FAM168A: variants seen among roughly 807,000 people sequenced by gnomAD.
FAM168A encodes family with sequence similarity 168 member A, also known as protein FAM168A.
In FAM168A, 3 loss-of-function variants were observed where a neutral mutation model predicts 28.5. The ratio of observed to expected loss-of-function variants is 0.11; its 90% CI spans 0.05 to 0.27. The LOEUF is 0.27. Ranked by LOEUF, FAM168A falls within the 10% of genes least tolerant of loss-of-function variation. FAM168A has a pLI of 1.00. For missense variants in FAM168A, 222 were observed against 311.5 expected, an observed-to-expected ratio of 0.71 and a Z score of 2.16; for synonymous variants, 122 against 124.2, an observed-to-expected ratio of 0.98 and a Z score of 0.12.
intron 1 of FAM168A, among the ~76,000 whole-genome samples, chr11:73,587,060 T>C (rs1944320689): frequency 7.2e-6 from 1 of 138,302 alleles, no homozygotes. Flanking sequence ...AGAAACATAA[T>C]AATATCAACA....
At chr11:73,488,996 C>G (rs1868092217) in intron 1 of FAM168A, among the ~76,000 whole-genome samples, 1 of 152,102 alleles carries the variant, frequency 6.6e-6, no homozygotes, top group Admixed American at 6.6e-5. Context: ...TCAAGCAATT[C>G]TCCAGCCTCA....
chr11:73,507,707 G>A (rs774748927), intron 1 of FAM168A, among the ~76,000 whole-genome samples: 8 of 152,136 alleles, frequency 5.3e-5, no homozygotes, highest in Admixed American at 3.3e-4. Context: ...GTAAATGAAC[G>A]TGCAATATTA....
At chr11:73,453,722 C>T (rs1264461022) in intron 2 of FAM168A, among the ~76,000 whole-genome samples, 2 of 152,176 alleles carry the variant, frequency 1.3e-5, no homozygotes, top group Non-Finnish European at 2.9e-5. Flanking sequence ...GAGTCAGACT[C>T]GGGTCTTCAG....
chr11:73,430,274 C>G (rs1050099899), intron 3 of FAM168A: 1 of 168,506 alleles, frequency 5.9e-6, no homozygotes, highest in Non-Finnish European at 1.2e-5. Flanking sequence ...GTGTGTGTCC[C>G]AAGGTGTGTG....
chr11:73,435,546 A>C (rs1867071814), intron 2 of FAM168A, among the ~76,000 whole-genome samples: 1 of 151,824 alleles, frequency 6.6e-6, no homozygotes, highest in Non-Finnish European at 1.5e-5. Context: ...TTCCTTTCTT[A>C]CTTCTTTTCT....
chr11:73,594,354 C>A (rs140667941), intron 1 of FAM168A, among the ~76,000 whole-genome samples: 202 of 152,138 alleles, frequency 1.3e-3, no homozygotes, highest in African/African-American at 4.4e-3. Context: ...CCCAGCTCAG[C>A]CTCCCAAAGT....
chr11:73,585,159 G>A (rs1190786049), intron 1 of FAM168A, among the ~76,000 whole-genome samples: 2 of 152,132 alleles, frequency 1.3e-5, no homozygotes, highest in Non-Finnish European at 2.9e-5. Flanking sequence ...TCTAATAAAG[G>A]TGTTTTAAAA....
chr11:73,595,989 GC>G (rs1199853287), intron 1 of FAM168A, among the ~76,000 whole-genome samples: 1 of 152,134 alleles, frequency 6.6e-6, no homozygotes, highest in African/African-American at 2.4e-5. Flanking sequence ...TTTACATAAA[GC>G]GGTGGTGCCA....
intron 1 of FAM168A, among the ~76,000 whole-genome samples, chr11:73,502,739 CA>C: frequency 6.6e-6 from 1 of 152,216 alleles, no homozygotes; most frequent in Non-Finnish European, 1.5e-5. Flanking sequence ...AACATCAATG[CA>C]AAAATCTTCA....
chr11:73,573,187 T>C (rs1944127419), intron 1 of FAM168A, among the ~76,000 whole-genome samples: 1 of 152,156 alleles, frequency 6.6e-6, no homozygotes, highest in African/African-American at 2.4e-5. Context: ...CACACTTAAC[T>C]GTTAGAAGGT....
At chr11:73,497,580 A>T (rs1431171323) in intron 1 of FAM168A, among the ~76,000 whole-genome samples, 1 of 152,216 alleles carries the variant, frequency 6.6e-6, no homozygotes, top group African/African-American at 2.4e-5. Flanking sequence ...ATATGTGGCT[A>T]TTGAACAGCA....
intron 1 of FAM168A, among the ~76,000 whole-genome samples, chr11:73,513,850 G>A (rs185745156): frequency 3.3e-5 from 5 of 152,236 alleles, no homozygotes; most frequent in African/African-American, 7.2e-5. Flanking sequence ...TTTTGGCTAT[G>A]TTATTTGAAC....
chr11:73,547,401 T>C (rs1590847240), intron 1 of FAM168A, among the ~76,000 whole-genome samples: 1 of 152,020 alleles, frequency 6.6e-6, no homozygotes, highest in African/African-American at 2.4e-5. Flanking sequence ...TGTGTGCTGT[T>C]GGTGGGAACA....
At chr11:73,535,418 C>CTTTTT (rs557433454) in intron 1 of FAM168A, among the ~76,000 whole-genome samples, 2 of 132,288 alleles carry the variant, frequency 1.5e-5, no homozygotes, top group South Asian at 2.4e-4. Context: ...TTCTTTCTTT[C>CTTTTT]TTTTTTTTTT....
At chr11:73,519,778 A>G (rs972853980) in intron 1 of FAM168A, among the ~76,000 whole-genome samples, 2 of 150,036 alleles carry the variant, frequency 1.3e-5, no homozygotes, top group South Asian at 2.1e-4. Flanking sequence ...CAGAGCATGT[A>G]TGTGTGTGTG....
intron 1 of FAM168A, among the ~76,000 whole-genome samples, chr11:73,519,795 CGTGT>C (rs1565281087): frequency 7.0e-6 from 1 of 142,778 alleles, no homozygotes; most frequent in African/African-American, 2.8e-5. Context: ...TGTGTGTGTG[CGTGT>C]GCGTTTGTGT....
At chr11:73,495,972 C>T (rs770275034) in intron 1 of FAM168A, among the ~76,000 whole-genome samples, 4 of 152,300 alleles carry the variant, frequency 2.6e-5, no homozygotes, top group Middle Eastern at 3.4e-3. Context: ...TATTTGCACA[C>T]CCATGTTCAT....
intron 1 of FAM168A, among the ~76,000 whole-genome samples, chr11:73,565,046 G>GGCA (rs1438549632): frequency 6.6e-6 from 1 of 152,096 alleles, no homozygotes; most frequent in Non-Finnish European, 1.5e-5. Context: ...GAGGAAAATG[G>GGCA]GCACTGAGGC....
At chr11:73,530,926 T>A (rs1943507434) in intron 1 of FAM168A, among the ~76,000 whole-genome samples, 2 of 152,000 alleles carry the variant, frequency 1.3e-5, no homozygotes, top group South Asian at 4.1e-4. Flanking sequence ...TTCCCAACTC[T>A]CAATAAACAA....
Sources: allele counts gnomAD v4.1 joint callset (sites outside exome capture counted in the v4.1 genomes callset), GRCh38; gene constraint gnomAD v4.1.1; transcripts MANE v1.5; gene names NCBI Gene and HGNC (gene_info 2026-07-23, HGNC 2026-07-21).